XXYLT1: variants seen among roughly 807,000 people sequenced by gnomAD.
XXYLT1 encodes xyloside xylosyltransferase 1, also known as UDP-xylose:alpha-xyloside alpha-1,3-xylosyltransferase.
A neutral mutation model predicts 28.9 loss-of-function variants in XXYLT1; 20 were observed. The ratio of observed to expected loss-of-function variants is 0.69; its 90% CI spans 0.49 to 1.00. The LOEUF (loss-of-function observed/expected upper bound fraction) is 1.00, where lower values mean the gene tolerates loss of function less well. XXYLT1 is among the 50% of genes least tolerant of loss of function. The probability of loss-of-function intolerance (pLI) is 0.00; values close to 1 mark genes in which losing one functional copy is unlikely to be tolerated. For synonymous variants in XXYLT1, 257 were observed against 253.8 expected (o/e 1.01, Z -0.12); for missense variants, 542 against 560.1 (o/e 0.97, Z 0.33).
rs1369180594 is a variant in XXYLT1 at position 195,129,827 on chromosome 3, CT to C, written c.785+26621del. Among the ~76,000 whole-genome samples the C allele has an allele frequency of 6.6e-6, 1 of 152,128 alleles. No individual in the cohort carries two copies. Among genetic ancestry groups the C allele is most frequent in the Non-Finnish European group, 1.5e-5 (1 of 68,026 alleles). On this transcript the variant is annotated intron_variant, in intron 3 of 3. Transcript: ENST00000310380. This position sits in a 1 kb window ranked among gnomAD's most constrained non-coding sequence, Gnocchi z 4.4. Reference sequence around the variant, plus strand: ...GCATGTTTTCAGTTCTCTCGGGTCTCTGTACACCTATCTAGGAGTGGAACGG... The same window carrying C: ...GCATGTTTTCAGTTCTCTCGGGTCTCGTACACCTATCTAGGAGTGGAACGG...
chr3:195,119,287 CAAAAAAAAAA>C (rs11328657), intron 3 of XXYLT1, among the ~76,000 whole-genome samples: 1 of 109,560 alleles, frequency 9.1e-6, no homozygotes, highest in Non-Finnish European at 1.9e-5. Flanking sequence ...CCATCTCAAA[CAAAAAAAAAA>C]AAAAAAAAGG....
chr3:195,087,043 T>C (rs529595156), intron 3 of XXYLT1, among the ~76,000 whole-genome samples: 129 of 152,222 alleles, frequency 8.5e-4, no homozygotes, highest in Non-Finnish European at 1.3e-3. Flanking sequence ...TGTGGTCACC[T>C]CCTCCTGCCT....
chr3:195,089,069 T>C (rs1206599934), intron 3 of XXYLT1, among the ~76,000 whole-genome samples: 3 of 151,510 alleles, frequency 2.0e-5, no homozygotes, highest in African/African-American at 4.8e-5. Flanking sequence ...CTGAAAGTGA[T>C]GGGGAGAATG....
At chr3:195,157,028 A>G (rs145824207) in intron 2 of XXYLT1, among the ~76,000 whole-genome samples, 5,816 of 151,958 alleles carry the variant, frequency 0.038, 364 homozygotes, top group African/African-American at 0.13. Context: ...GTAGATCACG[A>G]GGTCAGGAGT....
rs1286899328 is a variant in XXYLT1, at chr3:195,069,731, G to T, written c.1166C>A (p.Pro389His). 1.2e-6 allele frequency: 2 copies of T among 1,613,126 alleles called. 1 individual carries two copies. The highest frequency in any genetic ancestry group is 2.2e-5 in the South Asian group (2 of 91,042). The part of the protein sequence containing the change: ...VKIYHGNCNT[P>H]IPED The stretch of plus-strand genomic sequence containing the variant: ...GGGGAGCGCCTAGTCCTCCGGGATG[G>T]GAGTGTTGCAGTTCCCGTGGTAGAT... The change falls in exon 4 of 4, where the codon CCC becomes CAC. Residue 389 changes from proline (P) to histidine (H), a missense_variant. Physicochemically the swap from Pro to His is moderately conservative, Grantham distance 77 (BLOSUM62 -2). Transcript: ENST00000310380.
Position 195,240,702 on chromosome 3 carries a change from C to G in XXYLT1, c.505-13846G>C, listed in dbSNP as rs1482350406. Among the ~76,000 whole-genome samples the G allele has an allele frequency of 1.3e-5, 2 of 152,244 alleles. No individual in the cohort carries two copies. The highest frequency in any genetic ancestry group is 2.9e-5 in the Non-Finnish European group (2 of 68,050). Reference sequence around the variant, plus strand: ...CCCATGCGCCGCCAGAGACCATCCCCCAGCACAGCTATTGGAGGGAAGGTG... The same window carrying G: ...CCCATGCGCCGCCAGAGACCATCCCGCAGCACAGCTATTGGAGGGAAGGTG... On this transcript the variant is annotated intron_variant, in intron 1 of 3. Transcript: ENST00000310380. This position sits in a 1 kb window ranked among gnomAD's most constrained non-coding sequence, Gnocchi z 4.7.
chr3:195,226,879 C>T, intron 1 of XXYLT1, 23 bp from the exon 2 acceptor site: 3 of 1,610,304 alleles, frequency 1.9e-6, no homozygotes, highest in Non-Finnish European at 2.5e-6. Flanking sequence ...CAAAAAAAAC[C>T]AAGGCTCAGC....
chr3:195,088,117 C>T lies in XXYLT1; in HGVS notation c.786-18006G>A, dbSNP rs914437032. Among the ~76,000 whole-genome samples the T allele has an allele frequency of 1.5e-4, 22 of 151,694 alleles. No individual in the cohort carries two copies. In the South Asian group the frequency reaches 1.9e-3, roughly 13 times the overall value. On this transcript the variant is annotated intron_variant, in intron 3 of 3. Coordinates refer to ENST00000310380, the MANE Select transcript of XXYLT1 (RefSeq NM_152531.5). Reference sequence around the variant, plus strand: ...GCAGCGAGGCTGGGGGAGGGGCGCCCGCCATTGCCCAGGCTTGATTAGGTA... The same window carrying T: ...GCAGCGAGGCTGGGGGAGGGGCGCCTGCCATTGCCCAGGCTTGATTAGGTA...
Position 195,070,023 on chromosome 3 carries a change from C to T in XXYLT1, c.874G>A (p.Val292Met). ...ATGGCCTCCAGGTTCAGCAACATCA[C>T]CCCGCTGTTGAAGCCCGGCAGCCCC... Reference protein sequence around the residue: ...PEGLPGFNSGVMLLNLEAMRQ... With the variant: ...PEGLPGFNSGMMLLNLEAMRQ... The change falls in exon 4 of 4, where the codon GTG becomes ATG. Residue 292 changes from valine (V) to methionine (M), a missense_variant. Coordinates refer to ENST00000310380, the MANE Select transcript of XXYLT1 (RefSeq NM_152531.5). 1 of 1,603,662 alleles carries T rather than the reference C, an allele frequency of 6.2e-7. No individual in the cohort carries two copies.
chr3:195,160,475 T>G (rs1210966580), intron 2 of XXYLT1, among the ~76,000 whole-genome samples: 2 of 152,204 alleles, frequency 1.3e-5, no homozygotes, highest in African/African-American at 4.8e-5. Flanking sequence ...GCTATGTGAC[T>G]CCAGCGTCCT....
At chr3:195,164,630 C>A (rs969637733) in intron 2 of XXYLT1, among the ~76,000 whole-genome samples, 7 of 152,234 alleles carry the variant, frequency 4.6e-5, no homozygotes, top group African/African-American at 1.7e-4. Flanking sequence ...AACCCCACAA[C>A]TATTTCTGCA....
chr3:195,194,050 T>G (rs1329888159), intron 2 of XXYLT1, among the ~76,000 whole-genome samples: 1 of 151,872 alleles, frequency 6.6e-6, no homozygotes, highest in African/African-American at 2.4e-5. Context: ...ATAAAAAAAT[T>G]GATAAACTGA....
At position 195,180,648 on chromosome 3, in the gene XXYLT1, C is replaced by T. The variant is rs561934890; in HGVS notation, c.653-24067G>A. 1.5e-5 allele frequency: 10 copies of T among 657,506 alleles called. No individual in the cohort carries two copies. Among genetic ancestry groups the T allele is most frequent in the African/African-American group, 2.0e-5 (1 of 51,014 alleles). The allele number at this position is 657,506 out of a possible 1,614,324, so 40.7% of individuals were successfully genotyped here. A position where few individuals can be genotyped will look rare whatever the true frequency, so the allele number is the denominator to read the frequency against. The stretch of plus-strand genomic sequence containing the variant: ...CCAGACGGCGGTGGCTGGAGCACCC[C>T]GTGCCACTGCAAACGTGACCAGGAA... On this transcript the variant is annotated intron_variant, in intron 2 of 3. Coordinates refer to ENST00000310380, the MANE Select transcript of XXYLT1 (RefSeq NM_152531.5). This position sits in a 1 kb window ranked among gnomAD's most constrained non-coding sequence, Gnocchi z 5.8.
intron 2 of XXYLT1, among the ~76,000 whole-genome samples, chr3:195,215,173 A>G (rs1577156990): frequency 6.6e-6 from 1 of 151,526 alleles, no homozygotes; most frequent in Non-Finnish European, 1.5e-5. Flanking sequence ...TGAAGGAAGC[A>G]CTAAACATGG....
rs1720136729 is a variant in XXYLT1, at chr3:195,150,433, G to C, written c.785+6016C>G. Among the ~76,000 whole-genome samples, 1 of 152,236 alleles carries C rather than the reference G, an allele frequency of 6.6e-6. No individual in the cohort carries two copies. The highest frequency in any genetic ancestry group is 6.5e-5 in the Admixed American group (1 of 15,280). On this transcript the variant is annotated intron_variant, in intron 3 of 3. Transcript: ENST00000310380. This position sits in a 1 kb window ranked among gnomAD's most constrained non-coding sequence, Gnocchi z 4.7. ...TTGGAGTGGGATGACGCAGCCTGCA[G>C]AGAAGCTTTCCTTCCGAGCGTCTGG...
chr3:195,171,776 T>G (rs760048699), intron 2 of XXYLT1, among the ~76,000 whole-genome samples: 6 of 152,264 alleles, frequency 3.9e-5, no homozygotes, highest in Non-Finnish European at 8.8e-5. Flanking sequence ...AAATTTGCTT[T>G]CTGAATATTC....
intron 3 of XXYLT1, among the ~76,000 whole-genome samples, chr3:195,100,586 TGGCACTCTCCCC>T (rs1196299212): frequency 6.6e-6 from 1 of 152,038 alleles, no homozygotes; most frequent in African/African-American, 2.4e-5. Context: ...CCTCTCTCCC[TGGCACTCTCCCC>T]GGCACTCTCC....
At chr3:195,169,203 C>G (rs1432617744) in intron 2 of XXYLT1, among the ~76,000 whole-genome samples, 1 of 152,266 alleles carries the variant, frequency 6.6e-6, no homozygotes, top group Non-Finnish European at 1.5e-5. Flanking sequence ...CTTAGCAGAG[C>G]TGTCATCCTG....
At chr3:195,208,468 G>A (rs763175339) in intron 2 of XXYLT1, among the ~76,000 whole-genome samples, 1 of 151,870 alleles carries the variant, frequency 6.6e-6, no homozygotes, top group Non-Finnish European at 1.5e-5. Flanking sequence ...GGTCCTGGCT[G>A]ACTGGACCAA....
Sources: gnomAD v4.1 joint callset for allele counts (sites outside exome capture counted in the v4.1 genomes callset) on GRCh38, gnomAD v4.1.1 for gene constraint, Gnocchi (gnomAD v3.1) non-coding constraint, MANE v1.5 for transcripts, NCBI Gene and HGNC (gene_info 2026-07-23, HGNC 2026-07-21) for gene names.